SIMC1: variants seen among roughly 807,000 people sequenced by gnomAD.
The protein encoded by SIMC1 is SUMO interacting motifs containing 1, also known as SUMO-interacting motif-containing protein 1.
SIMC1 carries 55 observed loss-of-function variants against 82.3 expected under a neutral mutation model. The ratio of observed to expected loss-of-function variants is 0.67; its 90% CI spans 0.54 to 0.84. The LOEUF (loss-of-function observed/expected upper bound fraction) is 0.84. Among genes scored for constraint, SIMC1 ranks in the 40% least tolerant of loss-of-function variants. The probability of loss-of-function intolerance (pLI) is 0.00; values close to 1 mark genes in which losing one functional copy is unlikely to be tolerated. For missense variants in SIMC1, 915 were observed against 1,107.2 expected, an observed-to-expected ratio of 0.83 and a Z score of 2.46; for synonymous variants, 353 against 426.3, an observed-to-expected ratio of 0.83 and a Z score of 2.12.
At chr5:176,288,415 G>GAATA (rs1360699571) in intron 1 of SIMC1, among the ~76,000 whole-genome samples, 8 of 95,956 alleles carry the variant, frequency 8.3e-5, no homozygotes, top group Non-Finnish European at 1.3e-4. Flanking sequence ...TCTCAAGAAT[G>GAATA]AATGAATGAA....
chr5:176,317,194 C>G (rs1185322677), intron 5 of SIMC1, among the ~76,000 whole-genome samples: 1 of 152,150 alleles, frequency 6.6e-6, no homozygotes, highest in Admixed American at 6.5e-5. Flanking sequence ...CTAAATTCAT[C>G]AAACAAAACT....
chr5:176,326,755 G>T (rs1368732188), intron 7 of SIMC1, among the ~76,000 whole-genome samples: 1 of 152,018 alleles, frequency 6.6e-6, no homozygotes, highest in East Asian at 1.9e-4. Flanking sequence ...AGTAGAGATG[G>T]GGTTTCACCA....
Position 176,242,866 on chromosome 5 carries a change from T to C in SIMC1, c.129+4229T>C, listed in dbSNP as rs527296793. 3.6e-4 allele frequency among the ~76,000 whole-genome samples: 55 copies of C among 152,160 alleles called. 2 individuals are homozygous for C. The South Asian group carries it at 0.011, about 29-fold the overall frequency. On this transcript the variant is annotated intron_variant, in intron 1 of 9. Coordinates refer to ENST00000429602, the MANE Select transcript of SIMC1 (RefSeq NM_001308195.2). ...TGCCGTCATGGAGATTTCATTTTAC[T>C]GAGGGGACACAGATAGTAAACAACA...
At chr5:176,304,537 C>T (rs1158270367) in intron 4 of SIMC1, 2 of 153,782 alleles carry the variant, frequency 1.3e-5, no homozygotes, top group Non-Finnish European at 2.9e-5. Context: ...CGGCTCACTA[C>T]AACCTACACC....
chr5:176,311,552 T>G (rs985147149), intron 4 of SIMC1, among the ~76,000 whole-genome samples: 4 of 144,648 alleles, frequency 2.8e-5, no homozygotes, highest in Non-Finnish European at 6.1e-5. Context: ...CCACATTATT[T>G]AAAAAAAAAA....
intron 1 of SIMC1, among the ~76,000 whole-genome samples, chr5:176,283,244 G>T (rs1004908233): frequency 1.3e-5 from 2 of 152,198 alleles, no homozygotes; most frequent in African/African-American, 4.8e-5. Flanking sequence ...AAGTTGAAAT[G>T]AAGGAAAAAA....
intron 1 of SIMC1, among the ~76,000 whole-genome samples, chr5:176,267,860 A>G (rs1762264363): frequency 1.7e-5 from 2 of 120,428 alleles, no homozygotes; most frequent in African/African-American, 3.3e-5. Flanking sequence ...GGTTCAAGCA[A>G]TCCTCTTGAC....
chr5:176,344,997 C>T (rs1028590915), intron 9 of SIMC1, among the ~76,000 whole-genome samples, 186 bp from the exon 10 acceptor site: 5 of 151,926 alleles, frequency 3.3e-5, no homozygotes, highest in African/African-American at 9.7e-5. Context: ...CTTAAGGACC[C>T]GAGAGAACTG....
chr5:176,313,739 A>G lies in SIMC1; in HGVS notation c.1783A>G (p.Thr595Ala). 6.2e-7 allele frequency: 1 copy of G among 1,613,912 alleles called. No homozygotes were observed. The highest frequency in any genetic ancestry group is 1.7e-5 in the Admixed American group (1 of 60,010). Residue 595 changes from threonine (T) to alanine (A), a missense_variant, in exon 5 of 10, where the codon ACC becomes GCC. Coordinates refer to ENST00000429602, the MANE Select transcript of SIMC1 (RefSeq NM_001308195.2). The stretch of plus-strand genomic sequence containing the variant: ...CCTTTTCCTGCGTTATGTCGTTCAG[A>G]CCCTAGAAGATGACTTTCAGCAGAC... ...RVLFLRYVVQTLEDDFQQTLR... is the reference protein window; with the variant it reads ...RVLFLRYVVQALEDDFQQTLR...
intron 1 of SIMC1, among the ~76,000 whole-genome samples, chr5:176,252,223 C>A (rs935656184): frequency 2.0e-5 from 3 of 151,134 alleles, no homozygotes; most frequent in South Asian, 2.1e-4. Context: ...GACCGCCCCC[C>A]CCACCTCCCT....
intron 1 of SIMC1, among the ~76,000 whole-genome samples, chr5:176,251,878 C>T (rs1339605310): frequency 1.3e-5 from 2 of 150,128 alleles, no homozygotes; most frequent in Admixed American, 6.7e-5. Context: ...GCACATGTTT[C>T]AGAGAGCACA....
At position 176,288,887 on chromosome 5, in the gene SIMC1, G is replaced by GT. The variant is rs1455294523; in HGVS notation, c.130-766dup. On this transcript the variant is annotated intron_variant, in intron 1 of 9. Transcript: ENST00000429602. Reference sequence around the variant, plus strand: ...AGGTTGATTACAATACCTCTGTACTGTATCATTAGGCTTTGTGAATAGCCT... The same window carrying GT: ...AGGTTGATTACAATACCTCTGTACTGTTATCATTAGGCTTTGTGAATAGCCT... Among the ~76,000 whole-genome samples, 3 of 152,306 alleles carry GT rather than the reference G, an allele frequency of 2.0e-5. No individual in the cohort carries two copies. In the East Asian group the frequency reaches 5.8e-4, roughly 29 times the overall value.
chr5:176,260,204 A>G (rs1197222590), intron 1 of SIMC1, among the ~76,000 whole-genome samples: 8 of 152,174 alleles, frequency 5.3e-5, no homozygotes, highest in Non-Finnish European at 7.3e-5. Flanking sequence ...TTAGAAAACC[A>G]TAATTACTCA....
At chr5:176,325,217 T>C (rs562976432) in intron 7 of SIMC1, among the ~76,000 whole-genome samples, 179 of 151,882 alleles carry the variant, frequency 1.2e-3, no homozygotes, top group African/African-American at 4.3e-3. Flanking sequence ...TGAAACCCTG[T>C]CTCTACTAAA....
intron 5 of SIMC1, 88 bp downstream of exon 5, chr5:176,313,933 GT>G: frequency 6.4e-7 from 1 of 1,556,796 alleles, no homozygotes; most frequent in Non-Finnish European, 8.7e-7. Context: ...GCCAGGTGAG[GT>G]TTTCTAGTCA....
intron 1 of SIMC1, among the ~76,000 whole-genome samples, chr5:176,263,675 C>T (rs1032779090): frequency 1.3e-5 from 2 of 152,214 alleles, no homozygotes; most frequent in Non-Finnish European, 2.9e-5. Flanking sequence ...AAATTTTAAC[C>T]TGACACTTGG....
intron 4 of SIMC1, among the ~76,000 whole-genome samples, chr5:176,312,049 T>G (rs1764685943): frequency 6.6e-6 from 1 of 152,176 alleles, no homozygotes; most frequent in African/African-American, 2.4e-5. Context: ...CCTAAGTAAA[T>G]TCTTATCTAG....
chr5:176,262,589 G>A (rs1762054373), intron 1 of SIMC1, among the ~76,000 whole-genome samples: 1 of 152,358 alleles, frequency 6.6e-6, no homozygotes, highest in East Asian at 1.9e-4. Context: ...TGGAGTACTT[G>A]TGGCCAGGAG....
At chr5:176,251,685 A>C (rs1037811010) in intron 1 of SIMC1, among the ~76,000 whole-genome samples, 4 of 151,682 alleles carry the variant, frequency 2.6e-5, no homozygotes, top group Admixed American at 1.3e-4. Context: ...CAGATAAACA[A>C]GTGAACAAAG....
Sources: allele counts gnomAD v4.1 joint callset (sites outside exome capture counted in the v4.1 genomes callset), GRCh38; gene constraint gnomAD v4.1.1; transcripts MANE v1.5; gene names NCBI Gene and HGNC (gene_info 2026-07-23, HGNC 2026-07-21).